DOK6: variants seen among roughly 807,000 people sequenced by gnomAD.
DOK6 encodes the protein docking protein 6, also known as downstream of tyrosine kinase 6.
A neutral mutation model predicts 44.0 loss-of-function variants in DOK6; 22 were observed. The observed-to-expected ratio is 0.50, with a 90% CI of 0.36 to 0.71. The LOEUF (loss-of-function observed/expected upper bound fraction) is 0.71. Among genes scored for constraint, DOK6 ranks in the 30% least tolerant of loss-of-function variants. The pLI is 0.00. For synonymous variants in DOK6, 166 were observed against 145.5 expected (o/e 1.14, Z -1.01); for missense variants, 340 against 416.4 (o/e 0.82, Z 1.60).
At chr18:69,586,855 C>G (rs1983513763) in intron 2 of DOK6, among the ~76,000 whole-genome samples, 2 of 152,190 alleles carry the variant, frequency 1.3e-5, no homozygotes, top group Admixed American at 6.5e-5. Context: ...CATCAATCAC[C>G]TGCCCAGCCT....
chr18:69,693,787 G>T lies in DOK6; in HGVS notation c.410-4617G>T, dbSNP rs763984225. Among the ~76,000 whole-genome samples, 4 of 151,930 alleles carry T rather than the reference G, an allele frequency of 2.6e-5. 1 individual carries two copies. Among genetic ancestry groups the T allele is most frequent in the African/African-American group, 9.7e-5 (4 of 41,342 alleles). ...AAATAGATCTATTTAGGCCGGGCGC[G>T]GTGGTTCACGCCTGTAATCCCAGCA... is the stretch of plus-strand genomic sequence containing the variant. On this transcript the variant is annotated intron_variant, in intron 4 of 7. Transcript: ENST00000382713.
intron 5 of DOK6, among the ~76,000 whole-genome samples, chr18:69,728,326 T>G (rs547750287): frequency 6.6e-6 from 1 of 151,850 alleles, no homozygotes; most frequent in Admixed American, 6.6e-5. Flanking sequence ...CTTTCTAATT[T>G]TTTTCCCCAC....
chr18:69,430,116 C>T (rs1978761940), intron 1 of DOK6, among the ~76,000 whole-genome samples: 1 of 152,068 alleles, frequency 6.6e-6, no homozygotes, highest in Non-Finnish European at 1.5e-5. Flanking sequence ...ACAATTATAA[C>T]TATTAGATCT....
intron 3 of DOK6, among the ~76,000 whole-genome samples, chr18:69,627,316 T>G (rs996626753): frequency 2.0e-5 from 3 of 152,194 alleles, no homozygotes; most frequent in African/African-American, 7.2e-5. Flanking sequence ...CAGTTGGTTG[T>G]TTGCAGATGG....
rs548742798 is a variant in DOK6 at position 69,805,964 on chromosome 18, A to T, written c.857-35280A>T. Among the ~76,000 whole-genome samples the T allele has an allele frequency of 5.3e-5, 8 of 152,046 alleles. No homozygotes were observed. In the South Asian group the frequency reaches 8.3e-4, roughly 16 times the overall value. On this transcript the variant is annotated intron_variant, in intron 7 of 7. Coordinates refer to ENST00000382713, the MANE Select transcript of DOK6 (RefSeq NM_152721.6). The stretch of plus-strand genomic sequence containing the variant: ...TTATATGGTTTTTGGAACTAAGATT[A>T]TGTATGCATATGGGAAGTACATGTG...
At chr18:69,536,131 T>A (rs1307361855) in intron 1 of DOK6, among the ~76,000 whole-genome samples, 2 of 152,164 alleles carry the variant, frequency 1.3e-5, no homozygotes, top group African/African-American at 4.8e-5. Flanking sequence ...AAGCATATGG[T>A]CTTGTTCTTC....
rs753919096 is a variant in DOK6 at position 69,401,210 on chromosome 18, G to T, written c.-35G>T. On this transcript the variant is annotated 5_prime_UTR_variant, in exon 1 of 8. It introduces an in-frame stop codon into an upstream open reading frame of the 5' UTR. Coordinates refer to ENST00000382713, the MANE Select transcript of DOK6 (RefSeq NM_152721.6). ...ACGGCGGCTCTCGACTCCGGAGAGC[G>T]GATCGCGGGGCGCAGGAGCCCGATC... 26 of 1,536,238 alleles carry T rather than the reference G, an allele frequency of 1.7e-5. No individual in the cohort carries two copies. The African/African-American group carries it at 3.4e-4, about 20-fold the overall frequency.
At chr18:69,621,331 A>G (rs576195623) in intron 3 of DOK6, among the ~76,000 whole-genome samples, 1 of 152,270 alleles carries the variant, frequency 6.6e-6, no homozygotes, top group Admixed American at 6.5e-5. Context: ...TAAGTGCTCT[A>G]TCAGTGTCAG....
At chr18:69,543,831 A>G (rs1181864705) in intron 1 of DOK6, among the ~76,000 whole-genome samples, 1 of 151,580 alleles carries the variant, frequency 6.6e-6, no homozygotes, top group Admixed American at 6.6e-5. Context: ...ATAAGGGAAA[A>G]CATTATAAAG....
intron 7 of DOK6, among the ~76,000 whole-genome samples, chr18:69,797,619 G>A (rs1047420399): frequency 2.0e-5 from 3 of 152,026 alleles, no homozygotes; most frequent in African/African-American, 7.2e-5. Context: ...TTTTCCCAAT[G>A]AGATGTAATT....
At chr18:69,574,634 C>T (rs1983195161) in intron 2 of DOK6, among the ~76,000 whole-genome samples, 2 of 151,998 alleles carry the variant, frequency 1.3e-5, no homozygotes, top group South Asian at 4.1e-4. Context: ...TGTTGGCAGG[C>T]TCTGAAAGGA....
intron 5 of DOK6, chr18:69,721,389 AG>A (rs1283967782): frequency 7.5e-4 from 115 of 152,360 alleles, no homozygotes; most frequent in African/African-American, 2.7e-3. Flanking sequence ...AGTACTCAGC[AG>A]AGATTCCAAG....
intron 1 of DOK6, among the ~76,000 whole-genome samples, chr18:69,408,773 A>C (rs554944454): frequency 6.6e-6 from 1 of 152,352 alleles, no homozygotes; most frequent in African/African-American, 2.4e-5. Flanking sequence ...CCACAGCACG[A>C]TCTTAACTCA....
chr18:69,738,164 T>C (rs995421907), intron 5 of DOK6, among the ~76,000 whole-genome samples: 2 of 152,234 alleles, frequency 1.3e-5, no homozygotes. Flanking sequence ...GAAAACTCTT[T>C]GGAGAATCAT....
At chr18:69,647,114 CCTAT>C (rs1363492043) in intron 3 of DOK6, among the ~76,000 whole-genome samples, 17 of 151,226 alleles carry the variant, frequency 1.1e-4, no homozygotes, top group African/African-American at 3.2e-4. Flanking sequence ...GTCTATCTAT[CCTAT>C]CTGTCTATCC....
intron 5 of DOK6, among the ~76,000 whole-genome samples, chr18:69,716,201 G>C (rs953687726): frequency 7.9e-6 from 1 of 126,734 alleles, no homozygotes; most frequent in South Asian, 2.4e-4. Context: ...ATAAAGCAGG[G>C]CCACAGTGAG....
chr18:69,815,092 C>A (rs1202779434), intron 7 of DOK6, among the ~76,000 whole-genome samples: 3 of 151,996 alleles, frequency 2.0e-5, no homozygotes, highest in African/African-American at 7.3e-5. Context: ...CAATAACTTG[C>A]AATGCAGTAG....
intron 1 of DOK6, among the ~76,000 whole-genome samples, chr18:69,436,953 T>C (rs1470872509): frequency 6.6e-6 from 1 of 152,238 alleles, no homozygotes; most frequent in Non-Finnish European, 1.5e-5. Context: ...TGCATAAACG[T>C]CTTTTGAGAA....
At chr18:69,427,365 A>G (rs574460615) in intron 1 of DOK6, among the ~76,000 whole-genome samples, 1 of 151,234 alleles carries the variant, frequency 6.6e-6, no homozygotes, top group East Asian at 2.0e-4. Context: ...CAACAATCAT[A>G]TGAAAAAAAG....
Sources: gnomAD v4.1 joint callset for allele counts (sites outside exome capture counted in the v4.1 genomes callset) on GRCh38, gnomAD v4.1.1 for gene constraint, MANE v1.5 for transcripts, NCBI Gene and HGNC (gene_info 2026-07-23, HGNC 2026-07-21) for gene names.